CTTNBP2: variants seen among roughly 807,000 people sequenced by gnomAD.
CTTNBP2 encodes cortactin binding protein 2.
Under a neutral mutation model 156.9 loss-of-function variants are expected in CTTNBP2, and 108 were observed. That is an observed-to-expected ratio of 0.69 (90% CI 0.59 to 0.81). The LOEUF is 0.81. CTTNBP2 is among the 30% of genes least tolerant of loss of function. CTTNBP2 has a pLI of 0.00. For missense variants in CTTNBP2, 1,924 were observed against 2,035.4 expected (o/e 0.95, Z 1.05); for synonymous variants, 767 against 751.8 (o/e 1.02, Z -0.33).
intron 1 of CTTNBP2, 82 bp downstream of exon 1, chr7:117,873,253 A>C: frequency 9.2e-7 from 1 of 1,091,172 alleles, no homozygotes; most frequent in Non-Finnish European, 1.2e-6. Flanking sequence ...CGGGGGTGCG[A>C]AGTCGGGTCC....
chr7:117,771,860 A>C (rs924733894), intron 8 of CTTNBP2, among the ~76,000 whole-genome samples: 4 of 152,188 alleles, frequency 2.6e-5, no homozygotes, highest in African/African-American at 9.7e-5. Context: ...ACCTAACTCC[A>C]AGAAGCCAAG....
intron 8 of CTTNBP2, 101 bp downstream of exon 8, chr7:117,777,410 G>T: frequency 8.6e-7 from 1 of 1,165,652 alleles, no homozygotes; most frequent in Non-Finnish European, 1.2e-6. Context: ...GTATCACTCA[G>T]TCTCCAATTA....
At chr7:117,852,890 G>C (rs1292937885) in intron 2 of CTTNBP2, among the ~76,000 whole-genome samples, 1 of 152,140 alleles carries the variant, frequency 6.6e-6, no homozygotes, top group Non-Finnish European at 1.5e-5. Context: ...TTTCATTAAT[G>C]TTGCCTTTGG....
In CTTNBP2 at chr7:117,861,877, TA is replaced by T. The variant is rs546022338; in HGVS notation, c.82-562del. On this transcript the variant is annotated intron_variant, in intron 1 of 22. Coordinates refer to ENST00000160373, the MANE Select transcript of CTTNBP2 (RefSeq NM_033427.3). ...TTGTTGTTTTTCATTTAGCCAACATTAAAAAAAATCTGAAGATGTCACCAAA... is the reference window on the plus strand; with the variant it reads ...TTGTTGTTTTTCATTTAGCCAACATTAAAAAAATCTGAAGATGTCACCAAA... Among the ~76,000 whole-genome samples, 12 of 151,972 alleles carry T rather than the reference TA, an allele frequency of 7.9e-5. No homozygotes were observed. The East Asian group carries it at 2.1e-3, about 27-fold the overall frequency.
chr7:117,750,954 C>T (rs572052979), intron 12 of CTTNBP2, among the ~76,000 whole-genome samples: 2 of 152,280 alleles, frequency 1.3e-5, no homozygotes, highest in East Asian at 1.9e-4. Flanking sequence ...CCTAAGTGCA[C>T]ATTTATAGTG....
intron 2 of CTTNBP2, among the ~76,000 whole-genome samples, chr7:117,850,439 T>C (rs940585373): frequency 6.6e-6 from 1 of 152,132 alleles, no homozygotes; most frequent in Non-Finnish European, 1.5e-5. Flanking sequence ...AACCAAAGAA[T>C]GACAGATAAA....
At chr7:117,750,747 A>C (rs139123581) in intron 12 of CTTNBP2, among the ~76,000 whole-genome samples, 1 of 152,344 alleles carries the variant, frequency 6.6e-6, no homozygotes, top group African/African-American at 2.4e-5. Context: ...TTCTCCAAGT[A>C]ATCAAGATCT....
intron 14 of CTTNBP2, among the ~76,000 whole-genome samples, chr7:117,744,537 T>C (rs1038539679): frequency 6.6e-6 from 1 of 152,202 alleles, no homozygotes; most frequent in Non-Finnish European, 1.5e-5. Flanking sequence ...TATGGTCGAA[T>C]AGCGCTCCAT....
chr7:117,825,916 T>A (rs1801247128), intron 2 of CTTNBP2, among the ~76,000 whole-genome samples: 1 of 152,170 alleles, frequency 6.6e-6, no homozygotes, highest in African/African-American at 2.4e-5. Context: ...GGATGTCTCA[T>A]TAGAGAAATG....
chr7:117,772,399 G>A (rs1229717241), intron 8 of CTTNBP2, among the ~76,000 whole-genome samples: 1 of 152,170 alleles, frequency 6.6e-6, no homozygotes, highest in African/African-American at 2.4e-5. Flanking sequence ...CAAATGCCAG[G>A]TGATGCTGTT....
intron 4 of CTTNBP2, 48 bp from the exon 5 acceptor site, chr7:117,784,502 G>A: frequency 7.4e-7 from 1 of 1,355,994 alleles, no homozygotes. Flanking sequence ...AAGGACAAGA[G>A]ACAGATATTA....
At chr7:117,858,140 G>A (rs1212690603) in intron 2 of CTTNBP2, among the ~76,000 whole-genome samples, 1 of 152,266 alleles carries the variant, frequency 6.6e-6, no homozygotes, top group Non-Finnish European at 1.5e-5. Flanking sequence ...GAAGGCCAAG[G>A]CGGGCAGATC....
intron 9 of CTTNBP2, among the ~76,000 whole-genome samples, chr7:117,762,714 C>A (rs892918579): frequency 6.6e-6 from 1 of 152,222 alleles, no homozygotes. Flanking sequence ...TACAATCGAA[C>A]ACTGCAATGG....
rs781518734 is a variant in CTTNBP2 at position 117,760,675 on chromosome 7, C to T, written c.2932G>A (p.Glu978Lys). The change falls in exon 10 of 23, where the codon GAG becomes AAG. Residue 978 changes from glutamate to lysine, a missense_variant. Glu to Lys is a moderately conservative substitution (Grantham distance 56). Coordinates refer to ENST00000160373, the MANE Select transcript of CTTNBP2 (RefSeq NM_033427.3). ...GAACCATAGTTGCTTGGTTCAATCTCACCCACTGAAATCCTTAAGGGTATT... is the reference window on the plus strand; with the variant it reads ...GAACCATAGTTGCTTGGTTCAATCTTACCCACTGAAATCCTTAAGGGTATT... Reference protein sequence around the residue: ...LKIPLRISVGEIEPSNYGSDD... With the variant: ...LKIPLRISVGKIEPSNYGSDD... 6.2e-7 allele frequency: 1 copy of T among 1,612,956 alleles called. No individual in the cohort carries two copies.
chr7:117,846,323 A>T (rs895066806), intron 2 of CTTNBP2, among the ~76,000 whole-genome samples: 65 of 146,714 alleles, frequency 4.4e-4, no homozygotes, highest in African/African-American at 1.0e-3. Context: ...AATGCTTGAT[A>T]AAAAAAATGA....
chr7:117,840,823 C>T (rs929637388), intron 2 of CTTNBP2, among the ~76,000 whole-genome samples: 1 of 152,082 alleles, frequency 6.6e-6, no homozygotes, highest in Non-Finnish European at 1.5e-5. Flanking sequence ...ACTGAAATAG[C>T]CCAGCATGGA....
chr7:117,831,283 C>A (rs1392205881), intron 2 of CTTNBP2, among the ~76,000 whole-genome samples: 2 of 152,102 alleles, frequency 1.3e-5, no homozygotes, highest in East Asian at 1.9e-4. Context: ...CATGACTACA[C>A]AAAGATCTCA....
intron 4 of CTTNBP2, chr7:117,786,555 A>G (rs1350646758): frequency 5.9e-6 from 2 of 338,972 alleles, no homozygotes; most frequent in African/African-American, 4.4e-5. Context: ...CACAGGCAAT[A>G]TGAAGGCATC....
At chr7:117,728,552 C>T (rs947959538) in intron 16 of CTTNBP2, among the ~76,000 whole-genome samples, 3 of 152,116 alleles carry the variant, frequency 2.0e-5, no homozygotes, top group Non-Finnish European at 4.4e-5. Context: ...AAAAATAACT[C>T]GCCCAAGGTC....
Sources: allele counts gnomAD v4.1 joint callset (sites outside exome capture counted in the v4.1 genomes callset), GRCh38; gene constraint gnomAD v4.1.1; transcripts MANE v1.5; gene names NCBI Gene and HGNC (gene_info 2026-07-23, HGNC 2026-07-21).